The following DLGAP1 variants were observed in gnomAD, a reference collection of about 807,000 sequenced individuals.
DLGAP1 encodes disks large-associated protein 1.
In DLGAP1, 11 loss-of-function variants were observed where a neutral mutation model predicts 90.8. The ratio of observed to expected loss-of-function variants is 0.12; its 90% CI spans 0.08 to 0.20. The LOEUF is 0.20. DLGAP1 is among the 10% of genes least tolerant of loss of function. The pLI is 1.00. For missense variants in DLGAP1, 1,050 were observed against 1,333.8 expected, an observed-to-expected ratio of 0.79 and a Z score of 3.31; for synonymous variants, 558 against 540.7, an observed-to-expected ratio of 1.03 and a Z score of -0.44.
intron 1 of DLGAP1, among the ~76,000 whole-genome samples, chr18:4,263,482 A>C (rs1186613311): frequency 1.3e-5 from 2 of 152,188 alleles, no homozygotes; most frequent in African/African-American, 4.8e-5. Flanking sequence ...AAAATGCATA[A>C]TTTAAGAAAT....
intron 1 of DLGAP1, among the ~76,000 whole-genome samples, chr18:4,398,999 T>C (rs2082496519): frequency 6.6e-6 from 1 of 152,038 alleles, no homozygotes; most frequent in South Asian, 2.1e-4. Flanking sequence ...GCCTGGTTAA[T>C]TTTTTTTATT....
rs931217708 is a variant in DLGAP1 at position 3,729,727 on chromosome 18, A to C, written c.1351-352T>G. On this transcript the variant is annotated intron_variant, in intron 6 of 12. Transcript: ENST00000315677. This position sits in a 1 kb window ranked among gnomAD's most constrained non-coding sequence, Gnocchi z 6.2. ...ACCAGCCGTGATTACATTTTAAAGA[A>C]AAAAGGGCACCGTTTGTAGAACGCA... 6.6e-6 allele frequency among the ~76,000 whole-genome samples: 1 copy of C among 152,168 alleles called. No homozygotes were observed. Among genetic ancestry groups the C allele is most frequent in the Non-Finnish European group, 1.5e-5 (1 of 68,020 alleles).
At chr18:4,252,626 A>G (rs540090531) in intron 1 of DLGAP1, among the ~76,000 whole-genome samples, 13 of 152,344 alleles carry the variant, frequency 8.5e-5, no homozygotes, top group South Asian at 8.3e-4. Context: ...CTTTCCCTTT[A>G]AACTAGTAGC....
intron 1 of DLGAP1, among the ~76,000 whole-genome samples, chr18:4,358,791 C>A (rs1375441406): frequency 2.0e-5 from 3 of 152,214 alleles, no homozygotes; most frequent in Non-Finnish European, 4.4e-5. Context: ...CTCTGTAGCA[C>A]CTGCTGTGCA....
chr18:3,647,030 T>A (rs1467008138), intron 7 of DLGAP1, among the ~76,000 whole-genome samples: 1 of 151,990 alleles, frequency 6.6e-6, no homozygotes, highest in Non-Finnish European at 1.5e-5. Context: ...GGGTGGATCA[T>A]CTGAGGTCAG....
rs752140179 is a variant in DLGAP1 at position 3,775,574 on chromosome 18, C to A, written c.1173-33062G>T. Among the ~76,000 whole-genome samples the A allele has an allele frequency of 1.3e-5, 2 of 152,172 alleles. No individual in the cohort carries two copies. Among genetic ancestry groups the A allele is most frequent in the Non-Finnish European group, 2.9e-5 (2 of 68,032 alleles). On this transcript the variant is annotated intron_variant, in intron 5 of 12. Transcript: ENST00000315677. The surrounding 1 kb of genome is among the most constrained non-coding windows in gnomAD (Gnocchi z 4.9). Reference sequence around the variant, plus strand: ...CCTGTGAAACCCTAAGCCAATTAAGCCTCTTTTCTTTATAAATTACCCTGT... The same window carrying A: ...CCTGTGAAACCCTAAGCCAATTAAGACTCTTTTCTTTATAAATTACCCTGT...
intron 10 of DLGAP1, among the ~76,000 whole-genome samples, chr18:3,530,515 G>C (rs760930459): frequency 2.0e-5 from 3 of 152,206 alleles, no homozygotes; most frequent in Non-Finnish European, 4.4e-5. Flanking sequence ...ATTGAAATCT[G>C]AAAGTTTGTG....
intron 5 of DLGAP1, among the ~76,000 whole-genome samples, chr18:3,784,303 C>A (rs9948197): frequency 6.6e-6 from 1 of 152,106 alleles, no homozygotes; most frequent in African/African-American, 2.4e-5. Flanking sequence ...TTCTTGGACC[C>A]CCCCTAGTTG....
chr18:4,260,609 G>T (rs1459011444), intron 1 of DLGAP1, among the ~76,000 whole-genome samples: 1 of 151,856 alleles, frequency 6.6e-6, no homozygotes, highest in South Asian at 2.1e-4. Context: ...TGGCTAAATT[G>T]CTTTTATTAT....
intron 3 of DLGAP1, among the ~76,000 whole-genome samples, chr18:3,893,825 T>C (rs919145019): frequency 1.3e-5 from 2 of 152,062 alleles, no homozygotes; most frequent in African/African-American, 4.8e-5. Context: ...CTAATTTACA[T>C]TCCCACCAAA....
chr18:3,503,606 T>C (rs1374941265), intron 11 of DLGAP1, among the ~76,000 whole-genome samples: 1 of 152,206 alleles, frequency 6.6e-6, no homozygotes, highest in Non-Finnish European at 1.5e-5. Flanking sequence ...CCTCTTGGTA[T>C]TTCAGGCAAC....
chr18:4,441,679 G>A (rs899200267), intron 1 of DLGAP1, among the ~76,000 whole-genome samples: 6 of 152,190 alleles, frequency 3.9e-5, no homozygotes, highest in Non-Finnish European at 7.3e-5. Flanking sequence ...AATAAGAGAA[G>A]TGACACTTCA....
chr18:4,362,145 T>C (rs2081644166), intron 1 of DLGAP1, among the ~76,000 whole-genome samples: 1 of 152,178 alleles, frequency 6.6e-6, no homozygotes, highest in South Asian at 2.1e-4. Context: ...GAATGTAAAA[T>C]GTTACAGCCA....
intron 7 of DLGAP1, among the ~76,000 whole-genome samples, chr18:3,677,820 G>A (rs1162614960): frequency 1.3e-5 from 2 of 151,862 alleles, no homozygotes; most frequent in African/African-American, 2.4e-5. Flanking sequence ...CACCATGCCC[G>A]GCTAATTTTT....
intron 5 of DLGAP1, among the ~76,000 whole-genome samples, chr18:3,772,788 C>T (rs1034309610): frequency 1.3e-5 from 2 of 152,026 alleles, no homozygotes; most frequent in African/African-American, 4.8e-5. Flanking sequence ...ATCACAGGCC[C>T]CACTTCAGAC....
At chr18:3,789,707 G>A (rs1416880600) in intron 5 of DLGAP1, among the ~76,000 whole-genome samples, 1 of 152,152 alleles carries the variant, frequency 6.6e-6, no homozygotes, top group Non-Finnish European at 1.5e-5. Flanking sequence ...AAATATTAAG[G>A]AAATGTCAAA....
intron 5 of DLGAP1, among the ~76,000 whole-genome samples, chr18:3,799,630 G>A (rs1238868199): frequency 2.6e-5 from 4 of 151,856 alleles, no homozygotes; most frequent in African/African-American, 9.7e-5. Flanking sequence ...TTGCCAAGCT[G>A]TCTCCCCGCA....
chr18:4,091,670 C>T (rs567181343), intron 2 of DLGAP1, among the ~76,000 whole-genome samples: 18 of 152,280 alleles, frequency 1.2e-4, no homozygotes, highest in African/African-American at 4.3e-4. Flanking sequence ...ATCAAGGACA[C>T]TGTTCATGTT....
At chr18:3,917,900 T>C (rs1023601248) in intron 3 of DLGAP1, among the ~76,000 whole-genome samples, 3 of 152,052 alleles carry the variant, frequency 2.0e-5, no homozygotes, top group African/African-American at 7.2e-5. Flanking sequence ...ATTGTGGATA[T>C]GAAAGGGTAG....
Sources: allele counts gnomAD v4.1 joint callset (sites outside exome capture counted in the v4.1 genomes callset), GRCh38; gene constraint gnomAD v4.1.1; non-coding constraint Gnocchi (gnomAD v3.1); transcripts MANE v1.5; gene names NCBI Gene and HGNC (gene_info 2026-07-23, HGNC 2026-07-21).